GLDN: variants seen among roughly 807,000 people sequenced by gnomAD.
GLDN encodes the protein gliomedin.
In GLDN, 47 loss-of-function variants were observed where a neutral mutation model predicts 56.5. The observed-to-expected ratio is 0.83, with a 90% CI of 0.66 to 1.06. GLDN has a LOEUF of 1.06. GLDN is among the 50% of genes least tolerant of loss of function. The probability of loss-of-function intolerance (pLI) is 0.00; values close to 1 mark genes in which losing one functional copy is unlikely to be tolerated. For missense variants in GLDN, 782 were observed against 714.3 expected (o/e 1.09, Z -1.08); for synonymous variants, 332 against 278.8 (o/e 1.19, Z -1.90).
Position 51,383,106 on chromosome 15 carries a change from A to G in GLDN, c.416-330A>G, listed in dbSNP as rs144834192. 2.7e-3 allele frequency among the ~76,000 whole-genome samples: 404 copies of G among 152,276 alleles called. 4 individuals carry two copies. Among genetic ancestry groups the G allele is most frequent in the African/African-American group, 8.6e-3 (357 of 41,552 alleles). ...ACCATCATTTGCTAACCCCCATGCT[A>G]GGGCTGCACTCATGGCCACCAGCAT... On this transcript the variant is annotated intron_variant, in intron 2 of 9. Transcript: ENST00000335449.
intron 1 of GLDN, among the ~76,000 whole-genome samples, chr15:51,357,639 A>G (rs1011618093): frequency 1.3e-5 from 2 of 152,182 alleles, no homozygotes; most frequent in African/African-American, 4.8e-5. Flanking sequence ...AGAAAAGCCA[A>G]GGGCTGACTA....
At chr15:51,397,105 G>C (rs574265418) in intron 5 of GLDN, among the ~76,000 whole-genome samples, 1 of 152,272 alleles carries the variant, frequency 6.6e-6, no homozygotes, top group African/African-American at 2.4e-5. Flanking sequence ...CCCTGGAGGA[G>C]AGTGGAGAGG....
chr15:51,350,086 T>G (rs1240201042), intron 1 of GLDN, among the ~76,000 whole-genome samples: 1 of 152,068 alleles, frequency 6.6e-6, no homozygotes, highest in African/African-American at 2.4e-5. Context: ...TCAGGGGTGC[T>G]CCAGCCTTGG....
chr15:51,353,501 G>A (rs1232323366), intron 1 of GLDN, among the ~76,000 whole-genome samples: 2 of 151,986 alleles, frequency 1.3e-5, no homozygotes, highest in East Asian at 1.9e-4. Flanking sequence ...ACCACTCTCC[G>A]ACTGGCTCAG....
intron 1 of GLDN, among the ~76,000 whole-genome samples, chr15:51,343,496 C>T (rs2036923155): frequency 6.6e-6 from 1 of 152,220 alleles, no homozygotes; most frequent in African/African-American, 2.4e-5. Flanking sequence ...AAGGTAGAAG[C>T]TTTCGTATCC....
intron 4 of GLDN, 119 bp downstream of exon 4, chr15:51,384,011 C>A: frequency 1.3e-6 from 1 of 798,414 alleles, no homozygotes; most frequent in Admixed American, 2.0e-5. Context: ...AGTTTAAGGC[C>A]GGTTTAACTC....
chr15:51,362,943 A>T (rs1049255374), intron 1 of GLDN, among the ~76,000 whole-genome samples: 41 of 136,598 alleles, frequency 3.0e-4, no homozygotes, highest in African/African-American at 1.1e-3. Flanking sequence ...GACAGTTTTA[A>T]TGTGATGTGA....
chr15:51,389,492 AG>A (rs1183979310), intron 4 of GLDN, among the ~76,000 whole-genome samples: 1 of 152,234 alleles, frequency 6.6e-6, no homozygotes, highest in Non-Finnish European at 1.5e-5. Context: ...CAATACTGCC[AG>A]AAGAAAAAGC....
intron 4 of GLDN, among the ~76,000 whole-genome samples, chr15:51,388,482 C>T (rs527975146): frequency 2.4e-4 from 36 of 152,212 alleles, no homozygotes; most frequent in African/African-American, 8.4e-4. Flanking sequence ...GAAATTACCC[C>T]ATAGGGACTA....
intron 1 of GLDN, among the ~76,000 whole-genome samples, chr15:51,370,556 T>C (rs1214400678): frequency 6.6e-6 from 1 of 152,086 alleles, no homozygotes; most frequent in Non-Finnish European, 1.5e-5. Context: ...ATGGGGGTAA[T>C]CGTGAGAACA....
At chr15:51,353,947 G>T (rs946961574) in intron 1 of GLDN, among the ~76,000 whole-genome samples, 3 of 152,080 alleles carry the variant, frequency 2.0e-5, no homozygotes, top group Admixed American at 6.5e-5. Context: ...GCTACAAAGG[G>T]AGCATTTTGC....
chr15:51,375,121 A>G (rs1357252775), intron 1 of GLDN, among the ~76,000 whole-genome samples: 1 of 152,228 alleles, frequency 6.6e-6, no homozygotes, highest in Non-Finnish European at 1.5e-5. Flanking sequence ...ACAAAAAGTA[A>G]ATACAATATA....
chr15:51,366,444 G>A (rs1186555895), intron 1 of GLDN, among the ~76,000 whole-genome samples: 1 of 152,206 alleles, frequency 6.6e-6, no homozygotes, highest in Non-Finnish European at 1.5e-5. Context: ...AAAGGGAAAG[G>A]TTTAGGAAGG....
rs537554845 is a variant in GLDN, at chr15:51,378,079, T to C, written c.415+579T>C. 1.2e-4 allele frequency among the ~76,000 whole-genome samples: 18 copies of C among 152,302 alleles called. No homozygotes were observed. The East Asian group carries it at 1.3e-3, about 11-fold the overall frequency. Reference sequence around the variant, plus strand: ...CAGGTTGTAGGAAGCCTAGCCTTTTTCCCCAATATTTCCCCCACCTCCCTC... The same window carrying C: ...CAGGTTGTAGGAAGCCTAGCCTTTTCCCCCAATATTTCCCCCACCTCCCTC... On this transcript the variant is annotated intron_variant, in intron 2 of 9. Coordinates refer to ENST00000335449, the MANE Select transcript of GLDN (RefSeq NM_181789.4).
intron 1 of GLDN, among the ~76,000 whole-genome samples, chr15:51,353,033 A>T (rs529906217): frequency 1.3e-5 from 2 of 152,332 alleles, no homozygotes; most frequent in Non-Finnish European, 2.9e-5. Context: ...CCTATAGATA[A>T]CATGACTGTT....
intron 1 of GLDN, among the ~76,000 whole-genome samples, chr15:51,353,734 A>AAAAAAAAAAAAAAAAACC (rs60404846): frequency 7.8e-6 from 1 of 128,864 alleles, no homozygotes; most frequent in Non-Finnish European, 1.6e-5. Context: ...AAAAAAAAAA[A>AAAAAAAAAAAAAAAAACC]CCACAGTCAA....
chr15:51,384,046 G>T (rs2037834351), intron 4 of GLDN, 154 bp downstream of exon 4: 5 of 701,874 alleles, frequency 7.1e-6, no homozygotes, highest in South Asian at 3.1e-5. Flanking sequence ...TTGCGTTCCG[G>T]GATACCAAGG....
At chr15:51,413,316 A>G in the GLDN span, among the ~76,000 whole-genome samples, 1 of 151,966 alleles carries the variant, frequency 6.6e-6, no homozygotes, top group African/African-American at 2.4e-5. Flanking sequence ...GGAACATCAA[A>G]TCTAACTACT....
chr15:51,364,073 C>T (rs190711321), intron 1 of GLDN, among the ~76,000 whole-genome samples: 76 of 152,058 alleles, frequency 5.0e-4, no homozygotes, highest in African/African-American at 1.8e-3. Context: ...CTTCATGTTT[C>T]TTGTCTCTGG....
Sources: gnomAD v4.1 joint callset for allele counts (sites outside exome capture counted in the v4.1 genomes callset) on GRCh38, gnomAD v4.1.1 for gene constraint, MANE v1.5 for transcripts, NCBI Gene and HGNC (gene_info 2026-07-23, HGNC 2026-07-21) for gene names.